The following SLC24A3 variants were observed in gnomAD, a reference collection of about 807,000 sequenced individuals.
SLC24A3 encodes solute carrier family 24 member 3.
In SLC24A3, 28 loss-of-function variants were observed where a neutral mutation model predicts 75.8. The observed-to-expected ratio is 0.37, with a 90% CI of 0.27 to 0.51. SLC24A3 has a LOEUF of 0.51. Ranked by LOEUF, SLC24A3 falls within the 20% of genes least tolerant of loss-of-function variation. The pLI, the probability that SLC24A3 is intolerant of heterozygous loss-of-function variation, is 0.94. For missense variants in SLC24A3, 663 were observed against 847.8 expected (o/e 0.78, Z 2.71); for synonymous variants, 372 against 334.1 (o/e 1.11, Z -1.24).
intron 2 of SLC24A3, among the ~76,000 whole-genome samples, chr20:19,336,376 C>T (rs1212381661): frequency 6.6e-6 from 1 of 152,120 alleles, no homozygotes; most frequent in Admixed American, 6.5e-5. Context: ...TTTTCTGACT[C>T]CTGCCCTGGG....
rs2032581324 is a variant in SLC24A3 at position 19,679,488 on chromosome 20, C to T, written c.768-2370C>T. On this transcript the variant is annotated intron_variant, in intron 9 of 16. Coordinates refer to ENST00000328041, the MANE Select transcript of SLC24A3 (RefSeq NM_020689.4). ...GCTTCGGCTCGGCATCAGAGGGAGA[C>T]CGTGGAAAGAGACGGAGAGGGAGAC... Among the ~76,000 whole-genome samples, 8 of 124,516 alleles carry T rather than the reference C, an allele frequency of 6.4e-5. No individual in the cohort carries two copies. The South Asian group carries it at 2.4e-3, about 37-fold the overall frequency. 81.7% of individuals were successfully genotyped at this position (124,516 alleles called of 152,430 possible). A position where few individuals can be genotyped will look rare whatever the true frequency, so the allele number is the denominator to read the frequency against.
At chr20:19,236,669 T>G (rs1453196497) in intron 1 of SLC24A3, among the ~76,000 whole-genome samples, 3 of 152,164 alleles carry the variant, frequency 2.0e-5, no homozygotes, top group Admixed American at 6.5e-5. Context: ...GGAGGCAGCA[T>G]CATTTGAGCC....
intron 3 of SLC24A3, among the ~76,000 whole-genome samples, chr20:19,542,190 C>T (rs2030511025): frequency 6.6e-6 from 1 of 152,162 alleles, no homozygotes; most frequent in Non-Finnish European, 1.5e-5. Context: ...GTGAAAATTG[C>T]AGTTCAATTT....
At chr20:19,566,856 A>G (rs905342196) in intron 3 of SLC24A3, among the ~76,000 whole-genome samples, 1 of 152,178 alleles carries the variant, frequency 6.6e-6, no homozygotes, top group African/African-American at 2.4e-5. Context: ...CACTTTTTCA[A>G]AAATGAACTT....
At chr20:19,387,760 T>G (rs1484319104) in intron 2 of SLC24A3, among the ~76,000 whole-genome samples, 1 of 152,144 alleles carries the variant, frequency 6.6e-6, no homozygotes, top group African/African-American at 2.4e-5. Context: ...CGGGAAACAT[T>G]TCTTGTGTGC....
intron 7 of SLC24A3, among the ~76,000 whole-genome samples, chr20:19,659,981 G>C (rs2032308098): frequency 6.6e-6 from 1 of 152,156 alleles, no homozygotes; most frequent in Non-Finnish European, 1.5e-5. Flanking sequence ...CTGTGATAGA[G>C]AAGAAATCTC....
chr20:19,396,884 T>C (rs770323833), intron 2 of SLC24A3, among the ~76,000 whole-genome samples: 1 of 152,188 alleles, frequency 6.6e-6, no homozygotes, highest in Non-Finnish European at 1.5e-5. Flanking sequence ...CAACCTCATG[T>C]GTGAATGTTC....
intron 3 of SLC24A3, among the ~76,000 whole-genome samples, chr20:19,570,052 A>G (rs2031027746): frequency 6.6e-6 from 1 of 152,140 alleles, no homozygotes; most frequent in South Asian, 2.1e-4. Flanking sequence ...CCTACCTGTC[A>G]CTGGGAAATT....
chr20:19,595,899 C>A (rs141986497), intron 6 of SLC24A3, among the ~76,000 whole-genome samples: 44 of 152,194 alleles, frequency 2.9e-4, no homozygotes, highest in African/African-American at 1.1e-3. Flanking sequence ...CAATCAAGAT[C>A]TAGGAGAAGA....
At chr20:19,424,788 T>C (rs1276867509) in intron 2 of SLC24A3, among the ~76,000 whole-genome samples, 1 of 146,896 alleles carries the variant, frequency 6.8e-6, no homozygotes, top group Non-Finnish European at 1.5e-5. Context: ...CATAGGTCTC[T>C]AGGAGAAAAA....
chr20:19,256,781 A>AG (rs1359908378), intron 1 of SLC24A3, among the ~76,000 whole-genome samples: 3 of 152,004 alleles, frequency 2.0e-5, no homozygotes, highest in Non-Finnish European at 1.5e-5. Context: ...AAAAAAAAAA[A>AG]AAAAAAAGAG....
rs577652811 is a variant in SLC24A3, at chr20:19,476,105, C to A, written c.272-39383C>A. Reference sequence around the variant, plus strand: ...ATCTCCCATTCTTCTGTCAGACCCACGCGATCCACTCCCAGGCCGGAGAGC... The same window carrying A: ...ATCTCCCATTCTTCTGTCAGACCCAAGCGATCCACTCCCAGGCCGGAGAGC... On this transcript the variant is annotated intron_variant, in intron 2 of 16. Coordinates refer to ENST00000328041, the MANE Select transcript of SLC24A3 (RefSeq NM_020689.4). 9.8e-4 allele frequency among the ~76,000 whole-genome samples: 150 copies of A among 152,316 alleles called. 1 individual carries two copies. The highest frequency in any genetic ancestry group is 1.6e-3 in the Non-Finnish European group (109 of 68,022).
intron 2 of SLC24A3, among the ~76,000 whole-genome samples, chr20:19,496,318 CA>C (rs1988286462): frequency 6.6e-6 from 1 of 152,136 alleles, no homozygotes. Flanking sequence ...TTCCACTGAG[CA>C]AAAACAGACA....
intron 1 of SLC24A3, among the ~76,000 whole-genome samples, chr20:19,258,119 C>A (rs1982870817): frequency 1.3e-5 from 2 of 152,336 alleles, no homozygotes; most frequent in South Asian, 2.1e-4. Flanking sequence ...AACTGGCTTA[C>A]CTCCCTTTTC....
chr20:19,306,168 A>C (rs1452826015), intron 2 of SLC24A3, among the ~76,000 whole-genome samples: 1 of 152,230 alleles, frequency 6.6e-6, no homozygotes, highest in African/African-American at 2.4e-5. Context: ...TCAAAGCAAC[A>C]AGAAGATATC....
At chr20:19,719,506 G>A (rs1368316386) in intron 16 of SLC24A3, among the ~76,000 whole-genome samples, 2 of 151,958 alleles carry the variant, frequency 1.3e-5, no homozygotes, top group African/African-American at 4.8e-5. Context: ...GGGAGGTGGG[G>A]TTGGGAGCTC....
chr20:19,224,446 G>A (rs1981822675), intron 1 of SLC24A3, among the ~76,000 whole-genome samples: 3 of 152,064 alleles, frequency 2.0e-5, no homozygotes. Context: ...ACCATGAAGG[G>A]TTTTCTCCAT....
Position 19,300,529 on chromosome 20 carries a change from GA to G in SLC24A3, c.271+19444del, listed in dbSNP as rs144563805. Among the ~76,000 whole-genome samples, 274 of 152,346 alleles carry G rather than the reference GA, an allele frequency of 1.8e-3. 1 individual carries two copies. Among genetic ancestry groups the G allele is most frequent in the African/African-American group, 6.4e-3 (265 of 41,576 alleles). On this transcript the variant is annotated intron_variant, in intron 2 of 16. Coordinates refer to ENST00000328041, the MANE Select transcript of SLC24A3 (RefSeq NM_020689.4). The stretch of plus-strand genomic sequence containing the variant: ...ACCAGGAGACGTAATGACAAGAAAA[GA>G]ATGCTGCTGTTTTGTGCTGCCAGTG...
chr20:19,324,244 G>A (rs1007385831), intron 2 of SLC24A3, among the ~76,000 whole-genome samples: 2 of 152,216 alleles, frequency 1.3e-5, no homozygotes, highest in Non-Finnish European at 2.9e-5. Flanking sequence ...TGGGGGGCAA[G>A]TTTGACTGTC....
Sources: gnomAD v4.1 joint callset for allele counts (sites outside exome capture counted in the v4.1 genomes callset) on GRCh38, gnomAD v4.1.1 for gene constraint, MANE v1.5 for transcripts, NCBI Gene and HGNC (gene_info 2026-07-23, HGNC 2026-07-21) for gene names.